Variants in CLGN observed in about 807,000 individuals in gnomAD.
The protein encoded by CLGN is calmegin, also known as testis tissue sperm-binding protein Li 79P.
In CLGN, 62 loss-of-function variants were observed where a neutral mutation model predicts 79.1. The observed-to-expected ratio is 0.78, with a 90% confidence interval of 0.64 to 0.97. CLGN has a LOEUF of 0.97. CLGN is among the 50% of genes least tolerant of loss of function. The probability of loss-of-function intolerance (pLI) is 0.00; values close to 1 mark genes in which losing one functional copy is unlikely to be tolerated. For synonymous variants in CLGN, 225 were observed against 224.7 expected (o/e 1.00, Z -0.01); for missense variants, 647 against 715.5 (o/e 0.90, Z 1.09).
intron 5 of CLGN, among the ~76,000 whole-genome samples, chr4:140,405,111 C>A (rs532705326): frequency 2.6e-5 from 4 of 151,480 alleles, no homozygotes; most frequent in Non-Finnish European, 2.9e-5. Flanking sequence ...GGTTTAATAG[C>A]AATTTTTATT....
At chr4:140,417,736 TG>T (rs1729372711) in intron 1 of CLGN, among the ~76,000 whole-genome samples, 1 of 151,710 alleles carries the variant, frequency 6.6e-6, no homozygotes, top group Non-Finnish European at 1.5e-5. Flanking sequence ...TCCATGCTCA[TG>T]GGTAGGAAGA....
At chr4:140,422,550 A>G (rs954572847) in intron 1 of CLGN, among the ~76,000 whole-genome samples, 1 of 151,898 alleles carries the variant, frequency 6.6e-6, no homozygotes, top group African/African-American at 2.4e-5. Context: ...TTTCCTGTTC[A>G]TTGTTAGTAT....
chr4:140,412,137 C>T (rs1290252533), intron 2 of CLGN, among the ~76,000 whole-genome samples: 2 of 152,048 alleles, frequency 1.3e-5, no homozygotes, highest in Non-Finnish European at 2.9e-5. Context: ...CCTTACAGAG[C>T]TTCAATTTAA....
chr4:140,420,698 C>T (rs936216705), intron 1 of CLGN, among the ~76,000 whole-genome samples: 1 of 152,094 alleles, frequency 6.6e-6, no homozygotes, highest in African/African-American at 2.4e-5. Flanking sequence ...ATGGTGCCAA[C>T]ATGTTATTAA....
chr4:140,413,700 G>A (rs1729262374), intron 1 of CLGN, among the ~76,000 whole-genome samples: 1 of 152,188 alleles, frequency 6.6e-6, no homozygotes, highest in African/African-American at 2.4e-5. Flanking sequence ...TGGCTTGGAG[G>A]GTCTTACGCC....
intron 1 of CLGN, among the ~76,000 whole-genome samples, chr4:140,417,135 T>C (rs2126632070): frequency 6.9e-6 from 1 of 145,226 alleles, no homozygotes. Flanking sequence ...AAAAAGCCTT[T>C]GACAAAATTC....
chr4:140,393,783 T>C (rs763605792), intron 11 of CLGN, 43 bp downstream of exon 11: 11 of 1,544,536 alleles, frequency 7.1e-6, no homozygotes, highest in Non-Finnish European at 8.9e-6. Flanking sequence ...CCAAGTATTA[T>C]TATTCATAGT....
intron 13 of CLGN, among the ~76,000 whole-genome samples, chr4:140,391,216 C>A (rs1728765302): frequency 1.3e-5 from 2 of 151,628 alleles, no homozygotes; most frequent in African/African-American, 4.8e-5. Flanking sequence ...AGTAAAAACT[C>A]CTACCCTACC....
Position 140,405,185 on chromosome 4 carries a change from T to A in CLGN, c.419+757A>T, listed in dbSNP as rs547599783. On this transcript the variant is annotated intron_variant, in intron 5 of 14. Transcript: ENST00000325617. The stretch of plus-strand genomic sequence containing the variant: ...AGTAATTTTTTTTATTTTTATTTTT[T>A]TTTTTATTTTTTTTTTTGAGACGGA... 8.1e-3 allele frequency among the ~76,000 whole-genome samples: 756 copies of A among 92,920 alleles called. 11 individuals carry two copies. The highest frequency in any genetic ancestry group is 0.021 in the African/African-American group (683 of 32,488). 61.0% of individuals were successfully genotyped at this position (92,920 alleles called of 152,430 possible).
chr4:140,400,307 C>T, intron 7 of CLGN, 50 bp downstream of exon 7: 1 of 1,342,748 alleles, frequency 7.4e-7, no homozygotes, highest in Non-Finnish European at 1.0e-6. Context: ...ATGAATACAT[C>T]AATAGTCAGC....
At chr4:140,390,272 A>G (rs891895154) in intron 14 of CLGN, among the ~76,000 whole-genome samples, 3 of 151,800 alleles carry the variant, frequency 2.0e-5, no homozygotes, top group South Asian at 2.1e-4. Flanking sequence ...ATGTTTTACA[A>G]CAGCTATAAA....
chr4:140,423,747 T>C (rs912146802), intron 1 of CLGN, among the ~76,000 whole-genome samples: 1 of 152,218 alleles, frequency 6.6e-6, no homozygotes, highest in African/African-American at 2.4e-5. Context: ...ATGATTAATC[T>C]TGATAGAGTG....
In CLGN at chr4:140,409,884, G is replaced by T. The variant is rs202031051; in HGVS notation, c.230C>A (p.Ser77Ter). The part of the protein sequence containing the change: ...DSGRLAGWVL[S>*]KAKKDDMDEE... ...ATCCATGTCATCTTTCTTTGCTTTTGATAAGACCCATCTGTAAATAAAGTT... is the reference window on the plus strand; with the variant it reads ...ATCCATGTCATCTTTCTTTGCTTTTTATAAGACCCATCTGTAAATAAAGTT... The change falls in exon 4 of 15, where the codon TCA (serine) becomes TAA (stop). Residue 77 changes from serine to a stop codon, truncating the protein, a stop_gained. Coordinates refer to ENST00000325617, the MANE Select transcript of CLGN (RefSeq NM_004362.3). LOFTEE classifies it high-confidence loss of function. The T allele has an allele frequency of 6.3e-7, 1 of 1,596,784 alleles. No individual in the cohort carries two copies. The highest frequency in any genetic ancestry group is 1.1e-5 in the South Asian group (1 of 89,376).
chr4:140,398,717 T>C (rs1728940633), intron 8 of CLGN, 134 bp downstream of exon 8: 1 of 675,852 alleles, frequency 1.5e-6, no homozygotes, highest in Non-Finnish European at 2.4e-6. Flanking sequence ...TAGAAAATAT[T>C]TCACCCAAAA....
chr4:140,396,180 C>A lies in CLGN; in HGVS notation c.910G>T (p.Glu304Ter), dbSNP rs151290768. 6.2e-7 allele frequency: 1 copy of A among 1,614,112 alleles called. No homozygotes were observed. Among genetic ancestry groups the A allele is most frequent in the Non-Finnish European group, 8.5e-7 (1 of 1,179,984 alleles). ...DWDESEPAQI[E>*]DSSVVKPAGW... Reference sequence around the variant, plus strand: ...GCAGGTTTAACAACACTTGAATCTTCTATTTGGGCAGGTTCACTTTCATCC... The same window carrying A: ...GCAGGTTTAACAACACTTGAATCTTATATTTGGGCAGGTTCACTTTCATCC... Residue 304 changes from glutamate to a stop codon, truncating the protein, a stop_gained, in exon 9 of 15, where the codon GAA (glutamate) becomes TAA (stop). Coordinates refer to ENST00000325617, the MANE Select transcript of CLGN (RefSeq NM_004362.3). LOFTEE classifies it high-confidence loss of function.
At chr4:140,411,555 G>A (rs1171794625) in intron 2 of CLGN, among the ~76,000 whole-genome samples, 1 of 152,114 alleles carries the variant, frequency 6.6e-6, no homozygotes, top group East Asian at 1.9e-4. Context: ...GATTGTATCT[G>A]TATGATTAGT....
chr4:140,394,130 G>A (rs984596633), intron 10 of CLGN, 89 bp from the exon 11 acceptor site: 19 of 865,122 alleles, frequency 2.2e-5, no homozygotes, highest in Admixed American at 5.0e-5. Flanking sequence ...AATGAAATTC[G>A]CAATGCTAAC....
intron 1 of CLGN, chr4:140,426,649 A>G (rs926313867): frequency 2.6e-5 from 4 of 152,252 alleles, no homozygotes; most frequent in African/African-American, 9.6e-5. Flanking sequence ...AAAAGTTTAT[A>G]CGTTAATGAA....
chr4:140,427,103 A>T (rs11945012), intron 1 of CLGN, among the ~76,000 whole-genome samples: 2 of 151,902 alleles, frequency 1.3e-5, no homozygotes, highest in African/African-American at 4.8e-5. Flanking sequence ...CTCTACAACC[A>T]TTGGGAGAGC....
Sources: allele counts gnomAD v4.1 joint callset (sites outside exome capture counted in the v4.1 genomes callset), GRCh38; gene constraint gnomAD v4.1.1; transcripts MANE v1.5; gene names NCBI Gene and HGNC (gene_info 2026-07-23, HGNC 2026-07-21).